Variants in ADPRH observed in about 807,000 individuals in gnomAD.
ADPRH encodes the protein ADP-ribose-L-arginine cleaving enzyme.
ADPRH carries 27 observed loss-of-function variants against 28.8 expected under a neutral mutation model. The observed-to-expected ratio is 0.94, with a 90% CI of 0.69 to 1.29. ADPRH has a LOEUF of 1.29. Among genes scored for constraint, ADPRH ranks in the 50% most tolerant of loss-of-function variants. The pLI is 0.00. For synonymous variants in ADPRH, 161 were observed against 166.9 expected, an observed-to-expected ratio of 0.96 and a Z score of 0.27; for missense variants, 419 against 444.8, an observed-to-expected ratio of 0.94 and a Z score of 0.52.
At chr3:119,584,027 C>T (rs2082433676) in intron 3 of ADPRH, among the ~76,000 whole-genome samples, 1 of 151,726 alleles carries the variant, frequency 6.6e-6, no homozygotes, top group African/African-American at 2.4e-5. Flanking sequence ...ATCCACCTGC[C>T]TCAGCCTCCC....
At chr3:119,583,243 A>G (rs2082424570) in intron 3 of ADPRH, among the ~76,000 whole-genome samples, 1 of 152,180 alleles carries the variant, frequency 6.6e-6, no homozygotes, top group Non-Finnish European at 1.5e-5. Context: ...AAATAAAGAA[A>G]TAAATAGAAA....
At chr3:119,583,984 G>A (rs2082433270) in intron 3 of ADPRH, among the ~76,000 whole-genome samples, 1 of 151,570 alleles carries the variant, frequency 6.6e-6, no homozygotes, top group African/African-American at 2.4e-5. Flanking sequence ...CACCATGTTG[G>A]CCAGGCTGGT....
In ADPRH at chr3:119,583,923, A is replaced by C. The variant is rs180935368; in HGVS notation, c.298+1456A>C. 2.9e-3 allele frequency among the ~76,000 whole-genome samples: 445 copies of C among 151,984 alleles called. 1 individual carries two copies. Among genetic ancestry groups the C allele is most frequent in the Non-Finnish European group, 4.4e-3 (300 of 67,926 alleles). On this transcript the variant is annotated intron_variant, in intron 3 of 4. Transcript: ENST00000357003. The stretch of plus-strand genomic sequence containing the variant: ...CTCCCAAGTAGCTGGGATTACAGGC[A>C]CGCACCACCACGTCTGGCTAATTTT...
rs2082485398 is a variant in ADPRH, at chr3:119,588,388, C to T, written c.*510C>T. ...GCACTCTGCCATCTGAGTCCTCTGC[C>T]TAAAGCATTCCTCAGAACTGTCCCA... On this transcript the variant is annotated 3_prime_UTR_variant, in exon 5 of 5. Transcript: ENST00000357003. 1 of 152,498 alleles carries T rather than the reference C, an allele frequency of 6.6e-6. No homozygotes were observed. The highest frequency in any genetic ancestry group is 1.9e-4 in the East Asian group (1 of 5,198). The allele number at this position is 152,498 out of a possible 1,614,324, so 9.4% of individuals were successfully genotyped here.
At chr3:119,580,469 T>C (rs1276154224) in intron 1 of ADPRH, 82 bp from the exon 2 acceptor site, 1 of 152,210 alleles carries the variant, frequency 6.6e-6, no homozygotes, top group African/African-American at 2.4e-5. Flanking sequence ...TTTACAAATA[T>C]CCTTTGTGAG....
Position 119,586,619 on chromosome 3 carries a change from C to T in ADPRH, c.633C>T (p.Tyr211=). Residue 211 remains tyrosine (Y), a synonymous_variant, in exon 4 of 5, where the codon TAC becomes TAT. Transcript: ENST00000357003. ...AAAAGTACATTGTCCAATCAGGCTA[C>T]TTTGTAGAGGAAAATCTTCAACACT... ...EAKKYIVQSG[Y]FVEENLQHWS... is the part of the protein sequence containing the mutation. 1 of 1,613,948 alleles carries T rather than the reference C, an allele frequency of 6.2e-7. No homozygotes were observed. Among genetic ancestry groups the T allele is most frequent in the Non-Finnish European group, 8.5e-7 (1 of 1,179,982 alleles).
At chr3:119,584,620 G>A (rs1337452389) in intron 3 of ADPRH, among the ~76,000 whole-genome samples, 1 of 152,228 alleles carries the variant, frequency 6.6e-6, no homozygotes, top group Non-Finnish European at 1.5e-5. Context: ...TCGCTCACAA[G>A]TGGTTCTTGC....
chr3:119,587,407 G>A (rs2082471798), intron 4 of ADPRH, 57 bp from the exon 5 acceptor site: 2 of 1,422,384 alleles, frequency 1.4e-6, no homozygotes, highest in Non-Finnish European at 1.9e-6. Flanking sequence ...GGTGCTTTTT[G>A]TTATGACTTT....
intron 3 of ADPRH, among the ~76,000 whole-genome samples, chr3:119,583,028 C>A (rs1448336001): frequency 6.6e-6 from 1 of 152,146 alleles, no homozygotes; most frequent in Non-Finnish European, 1.5e-5. Flanking sequence ...AAACCGGTCG[C>A]TGGTGCCAAA....
chr3:119,582,696 T>A (rs2082418948), intron 3 of ADPRH, among the ~76,000 whole-genome samples: 1 of 152,090 alleles, frequency 6.6e-6, no homozygotes, highest in African/African-American at 2.4e-5. Flanking sequence ...GCCTGAGCAA[T>A]ATACGGAGAC....
chr3:119,587,946 G>C lies in ADPRH; in HGVS notation c.*68G>C. ...TTTCCTTTTCTGCTATTTCTTTTCA[G>C]TTTTTCCAAAGTCAAGAGTCTTAAC... On this transcript the variant is annotated 3_prime_UTR_variant, in exon 5 of 5. Coordinates refer to ENST00000357003, the MANE Select transcript of ADPRH (RefSeq NM_001125.4). 5 of 1,491,120 alleles carry C rather than the reference G, an allele frequency of 3.4e-6. No individual in the cohort carries two copies. Among genetic ancestry groups the C allele is most frequent in the Non-Finnish European group, 4.5e-6 (5 of 1,122,938 alleles). The allele number at this position is 1,491,120 out of a possible 1,614,324, so 92.4% of individuals were successfully genotyped here.
At chr3:119,586,003 C>T (rs2082455198) in intron 3 of ADPRH, among the ~76,000 whole-genome samples, 2 of 152,220 alleles carry the variant, frequency 1.3e-5, no homozygotes, top group Non-Finnish European at 2.9e-5. Flanking sequence ...GAACAATATA[C>T]TTACTTCTTA....
At chr3:119,586,710 C>T (rs1339315732) in intron 4 of ADPRH, 65 bp downstream of exon 4, 7 of 1,580,744 alleles carry the variant, frequency 4.4e-6, no homozygotes, top group Non-Finnish European at 6.0e-6. Context: ...TCCACCTGCA[C>T]ATATATGTCT....
rs140808023 is a variant in ADPRH, at chr3:119,587,700, A to G, written c.896A>G (p.His299Arg). 48 of 1,614,152 alleles carry G rather than the reference A, an allele frequency of 3.0e-5. No homozygotes were observed. Among genetic ancestry groups the G allele is most frequent in the Non-Finnish European group, 4.1e-5 (48 of 1,180,024 alleles). Residue 299 changes from histidine (H) to arginine (R), a missense_variant, in exon 5 of 5, where the codon CAT becomes CGT. His to Arg is a conservative substitution (Grantham distance 29). Transcript: ENST00000357003. ...WKELAHRAFF[H>R]GGDSDSTAAI... ...GAGCTTGCCCACCGAGCCTTTTTCC[A>G]TGGTGGAGACAGTGATTCTACAGCT...
intron 3 of ADPRH, 135 bp downstream of exon 3, chr3:119,582,602 C>A: frequency 9.2e-7 from 1 of 1,081,620 alleles, no homozygotes; most frequent in Non-Finnish European, 1.3e-6. Context: ...GAAATAACGG[C>A]CATGGTGGTG....
chr3:119,587,854 A>G lies in ADPRH; in HGVS notation c.1050A>G (p.Lys350=). The G allele has an allele frequency of 1.2e-6, 2 of 1,604,200 alleles. No individual in the cohort carries two copies. The highest frequency in any genetic ancestry group is 2.2e-5 in the South Asian group (2 of 89,872). ...GGGCTTTATATTCTCTCGGGTCAAA[A>G]GAAGACACTGTAATTTCCCTTTAGG... ...TARALYSLGS[K]EDTVISL Residue 350 remains lysine (K), a synonymous_variant, in exon 5 of 5, where the codon AAA becomes AAG. Transcript: ENST00000357003.
chr3:119,587,688 G>T lies in ADPRH; in HGVS notation c.884G>T (p.Arg295Leu), dbSNP rs150984649. ...AGDSWKELAH[R>L]AFFHGGDSDS... is the part of the protein sequence containing the mutation. ...GACTCCTGGAAGGAGCTTGCCCACC[G>T]AGCCTTTTTCCATGGTGGAGACAGT... Residue 295 changes from arginine to leucine, a missense_variant, in exon 5 of 5, where the codon CGA becomes CTA. Coordinates refer to ENST00000357003, the MANE Select transcript of ADPRH (RefSeq NM_001125.4). 1 of 1,614,060 alleles carries T rather than the reference G, an allele frequency of 6.2e-7. No homozygotes were observed. The highest frequency in any genetic ancestry group is 8.5e-7 in the Non-Finnish European group (1 of 1,180,026).
chr3:119,589,435 G>T lies in ADPRH; in HGVS notation c.*1557G>T, dbSNP rs1160734102. On this transcript the variant is annotated 3_prime_UTR_variant, in exon 5 of 5. Coordinates refer to ENST00000357003, the MANE Select transcript of ADPRH (RefSeq NM_001125.4). The stretch of plus-strand genomic sequence containing the variant: ...TGATTTTTCCTTTGTGAAATCCCTG[G>T]TTTTCAGCTGGAAGCGGTGGGTAAA... 1 of 152,306 alleles carries T rather than the reference G, an allele frequency of 6.6e-6. No individual in the cohort carries two copies. Among genetic ancestry groups the T allele is most frequent in the African/African-American group, 2.4e-5 (1 of 41,560 alleles). The allele number at this position is 152,306 out of a possible 1,614,324, so 9.4% of individuals were successfully genotyped here.
chr3:119,586,585 C>T lies in ADPRH; in HGVS notation c.599C>T (p.Pro200Leu), dbSNP rs1277139685. Reference sequence around the variant, plus strand: ...GGAAAAGGACTGATGGAGCTGCTACCAGAAGCTAAAAAGTACATTGTCCAA... The same window carrying T: ...GGAAAAGGACTGATGGAGCTGCTACTAGAAGCTAAAAAGTACATTGTCCAA... The part of the protein sequence containing the change: ...QWGKGLMELL[P>L]EAKKYIVQSG... Residue 200 changes from proline to leucine, a missense_variant, in exon 4 of 5, where the codon CCA (proline) becomes CTA (leucine). Transcript: ENST00000357003. The T allele has an allele frequency of 6.2e-7, 1 of 1,614,082 alleles. No homozygotes were observed. Among genetic ancestry groups the T allele is most frequent in the Middle Eastern group, 1.6e-4 (1 of 6,062 alleles).
Sources: allele counts gnomAD v4.1 joint callset (sites outside exome capture counted in the v4.1 genomes callset), GRCh38; gene constraint gnomAD v4.1.1; transcripts MANE v1.5; gene names NCBI Gene and HGNC (gene_info 2026-07-23, HGNC 2026-07-21).